The following ITGAL variants were observed in gnomAD, a reference collection of about 807,000 sequenced individuals.
ITGAL encodes the protein integrin subunit alpha L.
A neutral mutation model predicts 138.4 loss-of-function variants in ITGAL; 68 were observed. That is an observed-to-expected ratio of 0.49 (90% CI 0.40 to 0.60). The LOEUF (loss-of-function observed/expected upper bound fraction) is 0.60, where lower values mean the gene tolerates loss of function less well. Among genes scored for constraint, ITGAL ranks in the 20% least tolerant of loss-of-function variants. ITGAL has a pLI of 0.00. For synonymous variants in ITGAL, 561 were observed against 584.3 expected (o/e 0.96, Z 0.57); for missense variants, 1,256 against 1,478.6 (o/e 0.85, Z 2.47).
intron 4 of ITGAL, among the ~76,000 whole-genome samples, chr16:30,478,308 T>C (rs1374343431): frequency 3.7e-5 from 5 of 133,496 alleles, no homozygotes; most frequent in African/African-American, 1.2e-4. Flanking sequence ...CACTCCAGAC[T>C]GGGTGACAAA....
chr16:30,497,190 A>T (rs1272883179), intron 15 of ITGAL, among the ~76,000 whole-genome samples: 2 of 151,888 alleles, frequency 1.3e-5, no homozygotes, highest in Non-Finnish European at 2.9e-5. Flanking sequence ...TAAAAATACA[A>T]AAATTAGCCA....
intron 24 of ITGAL, among the ~76,000 whole-genome samples, chr16:30,511,498 C>T (rs1183220051): frequency 6.6e-6 from 1 of 152,186 alleles, no homozygotes; most frequent in East Asian, 1.9e-4. Flanking sequence ...CAAGCTGAGG[C>T]TCAGAGAAGG....
At position 30,522,222 on chromosome 16, in the gene ITGAL, C is replaced by G. The variant is rs2151212009; in HGVS notation, c.*557C>G. On this transcript the variant is annotated 3_prime_UTR_variant, in exon 31 of 31. Transcript: ENST00000356798. The surrounding 1 kb of genome is among the most constrained non-coding windows in gnomAD (Gnocchi z 4.0). The stretch of plus-strand genomic sequence containing the variant: ...AGACCCTCGTGGCCTTCCCCAGCCT[C>G]TTCTAGAGCCGTGATGCCTCCCTGT... 1 of 152,806 alleles carries G rather than the reference C, an allele frequency of 6.5e-6. No individual in the cohort carries two copies. Among genetic ancestry groups the G allele is most frequent in the Middle Eastern group, 3.4e-3 (1 of 296 alleles). 9.5% of individuals were successfully genotyped at this position (152,806 alleles called of 1,614,324 possible).
chr16:30,479,069 C>A, intron 4 of ITGAL, 22 bp from the exon 5 acceptor site: 1 of 1,593,194 alleles, frequency 6.3e-7, no homozygotes, highest in Non-Finnish European at 8.6e-7. Flanking sequence ...AGACCCAAAT[C>A]TTTGGCCTTT....
chr16:30,514,156 G>T (rs1368450327), intron 25 of ITGAL, among the ~76,000 whole-genome samples: 1 of 152,160 alleles, frequency 6.6e-6, no homozygotes, highest in Non-Finnish European at 1.5e-5. Context: ...TGTTACCCAG[G>T]CTTGAGTGCA....
intron 17 of ITGAL, among the ~76,000 whole-genome samples, chr16:30,501,592 A>T (rs1044598864): frequency 2.6e-5 from 4 of 151,814 alleles, no homozygotes; most frequent in Admixed American, 6.6e-5. Flanking sequence ...AAAAAAAAAA[A>T]AATTAAAATA....
At chr16:30,514,718 CTG>C (rs1398907529) in intron 25 of ITGAL, among the ~76,000 whole-genome samples, 1 of 152,174 alleles carries the variant, frequency 6.6e-6, no homozygotes, top group Non-Finnish European at 1.5e-5. Context: ...GCCACCACAC[CTG>C]GCCTATTCTA....
At chr16:30,491,132 T>A (rs1279145668) in intron 11 of ITGAL, among the ~76,000 whole-genome samples, 1 of 150,756 alleles carries the variant, frequency 6.6e-6, no homozygotes, top group African/African-American at 2.4e-5. Context: ...CTGGGTGTGG[T>A]GGCTCACACT....
chr16:30,511,407 G>T (rs943377563), intron 24 of ITGAL, among the ~76,000 whole-genome samples: 1 of 152,208 alleles, frequency 6.6e-6, no homozygotes, highest in African/African-American at 2.4e-5. Flanking sequence ...AGGGCCAGCT[G>T]CACTGCGCAG....
chr16:30,479,593 A>C, intron 6 of ITGAL, 132 bp downstream of exon 6: 2 of 736,980 alleles, frequency 2.7e-6, no homozygotes, highest in Non-Finnish European at 4.3e-6. Flanking sequence ...GGCCTCTGGA[A>C]GGGACAAGAA....
chr16:30,483,748 G>A, intron 7 of ITGAL, 79 bp from the exon 8 acceptor site: 1 of 1,464,764 alleles, frequency 6.8e-7, no homozygotes, highest in Non-Finnish European at 9.3e-7. Context: ...GCATGGAGGT[G>A]ACTTGATGAG....
Position 30,475,353 on chromosome 16 carries a change from A to G in ITGAL, c.212A>G (p.Tyr71Cys), listed in dbSNP as rs1278931057. 1.2e-6 allele frequency: 2 copies of G among 1,613,984 alleles called. No individual in the cohort carries two copies. The highest frequency in any genetic ancestry group is 1.7e-6 in the Non-Finnish European group (2 of 1,179,922). ...PGEGNSTGSL[Y>C]QCQSGTGHCL... ...GAGGGGAACAGCACAGGAAGCCTCT[A>G]TCAGTGCCAGTCGGGCACAGGACAC... The change falls in exon 3 of 31, where the codon TAT becomes TGT. Residue 71 changes from tyrosine to cysteine, a missense_variant. Physicochemically the swap from Tyr to Cys is radical, Grantham distance 194. This residue lies in a region of ITGAL where 212 missense variants were observed against 217.4 expected (regional missense o/e 0.98). Coordinates refer to ENST00000356798, the MANE Select transcript of ITGAL (RefSeq NM_002209.3).
chr16:30,506,452 G>A lies in ITGAL; in HGVS notation c.2367-263G>A, dbSNP rs189729076. Among the ~76,000 whole-genome samples, 934 of 149,598 alleles carry A rather than the reference G, an allele frequency of 6.2e-3. 3 individuals are homozygous for A. Among genetic ancestry groups the A allele is most frequent in the Non-Finnish European group, 9.6e-3 (650 of 67,578 alleles). Reference sequence around the variant, plus strand: ...TGGGCGCCCGTAGTCCCAGCTACTCGGGAGGTTGAGGCAGGAGAATGGCGT... The same window carrying A: ...TGGGCGCCCGTAGTCCCAGCTACTCAGGAGGTTGAGGCAGGAGAATGGCGT... On this transcript the variant is annotated intron_variant, in intron 20 of 30. Coordinates refer to ENST00000356798, the MANE Select transcript of ITGAL (RefSeq NM_002209.3).
intron 15 of ITGAL, 113 bp downstream of exon 15, chr16:30,496,679 T>G: frequency 9.8e-7 from 1 of 1,024,544 alleles, no homozygotes. Flanking sequence ...TCTCTCTTTG[T>G]TGCTCAGGCT....
At chr16:30,473,019 T>C (rs528194162) in intron 1 of ITGAL, 121 bp downstream of exon 1, 77 of 851,368 alleles carry the variant, frequency 9.0e-5, no homozygotes, top group Non-Finnish European at 1.4e-4. Flanking sequence ...CTTAGGGATA[T>C]GGGGCCCAGG....
At chr16:30,477,733 A>G (rs1419763385) in intron 4 of ITGAL, among the ~76,000 whole-genome samples, 1 of 151,620 alleles carries the variant, frequency 6.6e-6, no homozygotes, top group Non-Finnish European at 1.5e-5. Context: ...TACAAAAAAA[A>G]AAAATAGCCA....
intron 26 of ITGAL, 56 bp from the exon 27 acceptor site, chr16:30,517,593 C>T (rs2051186888): frequency 1.4e-6 from 2 of 1,451,150 alleles, no homozygotes; most frequent in Admixed American, 1.7e-5. Context: ...GCTGGGATGC[C>T]AGTGTCTTAT....
chr16:30,510,759 A>T, intron 22 of ITGAL, 122 bp from the exon 23 acceptor site: 1 of 806,690 alleles, frequency 1.2e-6, no homozygotes, highest in Non-Finnish European at 2.1e-6. Flanking sequence ...ATCCTAGCTC[A>T]GTGCTTGGGG....
At chr16:30,502,612 G>A (rs1043748450) in intron 17 of ITGAL, among the ~76,000 whole-genome samples, 35 of 151,428 alleles carry the variant, frequency 2.3e-4, no homozygotes, top group Middle Eastern at 3.4e-3. Flanking sequence ...GCCAGGTGTG[G>A]TGGCAGGCGC....
Sources: allele counts gnomAD v4.1 joint callset (sites outside exome capture counted in the v4.1 genomes callset), GRCh38; gene constraint gnomAD v4.1.1; regional missense constraint gnomAD v4.1.1; non-coding constraint Gnocchi (gnomAD v3.1); transcripts MANE v1.5; gene names NCBI Gene and HGNC (gene_info 2026-07-23, HGNC 2026-07-21).